RDX: variants seen among roughly 807,000 people sequenced by gnomAD.
RDX encodes the protein deafness, autosomal recessive 24.
RDX carries 32 observed loss-of-function variants against 83.7 expected under a neutral mutation model. That is an observed-to-expected ratio of 0.38 (90% CI 0.29 to 0.51). RDX has a LOEUF of 0.51. Ranked by LOEUF, RDX falls within the 20% of genes least tolerant of loss-of-function variation. The probability of loss-of-function intolerance (pLI) is 0.87; values close to 1 mark genes in which losing one functional copy is unlikely to be tolerated. For missense variants in RDX, 600 were observed against 689.9 expected, an observed-to-expected ratio of 0.87 and a Z score of 1.46; for synonymous variants, 229 against 222.7, an observed-to-expected ratio of 1.03 and a Z score of -0.25.
At chr11:110,189,064 C>T (rs59516654) in intron 15 of RDX, among the ~76,000 whole-genome samples, 8,840 of 151,756 alleles carry the variant, frequency 0.058, 863 homozygotes, top group African/African-American at 0.2. Flanking sequence ...ACAAATTCGA[C>T]TTTAAAAAAA....
chr11:110,208,977 T>C (rs897634730), intron 14 of RDX, among the ~76,000 whole-genome samples: 7 of 152,100 alleles, frequency 4.6e-5, no homozygotes, highest in Non-Finnish European at 1.0e-4. Flanking sequence ...TTTTAAAAAA[T>C]ATAATGCGGA....
intron 14 of RDX, among the ~76,000 whole-genome samples, chr11:110,219,933 T>C (rs1488044871): frequency 6.6e-6 from 1 of 152,190 alleles, no homozygotes; most frequent in African/African-American, 2.4e-5. Context: ...GATCCAAATG[T>C]AGACAGAAGG....
chr11:110,291,810 A>G (rs1167917331), intron 1 of RDX, among the ~76,000 whole-genome samples: 1 of 152,130 alleles, frequency 6.6e-6, no homozygotes, highest in Non-Finnish European at 1.5e-5. Context: ...ACCATTCTTG[A>G]GCCTCTGGAC....
intron 1 of RDX, among the ~76,000 whole-genome samples, chr11:110,280,343 A>C (rs2134424240): frequency 6.6e-6 from 1 of 152,318 alleles, no homozygotes; most frequent in East Asian, 1.9e-4. Context: ...TCCCAGGTTC[A>C]AGTGATCCTC....
intron 14 of RDX, among the ~76,000 whole-genome samples, chr11:110,204,101 G>A (rs1863514370): frequency 6.6e-6 from 1 of 152,120 alleles, no homozygotes; most frequent in South Asian, 2.1e-4. Context: ...ATTGCAGCCA[G>A]TCAACTCAGT....
At chr11:110,260,335 CT>C (rs1859751147) in intron 5 of RDX, among the ~76,000 whole-genome samples, 1 of 152,180 alleles carries the variant, frequency 6.6e-6, no homozygotes. Flanking sequence ...CCAACAGATA[CT>C]TTAGTTCTCC....
Position 110,266,338 on chromosome 11 carries a change from A to C in RDX, c.97-1464T>G, listed in dbSNP as rs534328887. Among the ~76,000 whole-genome samples, 28 of 152,282 alleles carry C rather than the reference A, an allele frequency of 1.8e-4. No homozygotes were observed. In the East Asian group the frequency reaches 5.4e-3, roughly 29 times the overall value. ...ACAGAGCAAGACTCCGTCTCAAAAA[A>C]AAAAAGAAAATAAAGTAAGAGTAAA... On this transcript the variant is annotated intron_variant, in intron 3 of 13. Coordinates refer to ENST00000645495, the MANE Select transcript of RDX (RefSeq NM_002906.4).
downstream of RDX, among the ~76,000 whole-genome samples, chr11:110,226,776 A>C (rs925642602): frequency 6.6e-6 from 1 of 152,094 alleles, no homozygotes; most frequent in Non-Finnish European, 1.5e-5. Flanking sequence ...GGTTAGAAAA[A>C]CTTTTCAAAT....
At chr11:110,182,465 G>A (rs1220565031) in intron 15 of RDX, among the ~76,000 whole-genome samples, 1 of 152,182 alleles carries the variant, frequency 6.6e-6, no homozygotes, top group Admixed American at 6.5e-5. Context: ...GCCGGGTGTG[G>A]TGGCACACAC....
At chr11:110,188,117 A>T (rs1020896363) in intron 15 of RDX, among the ~76,000 whole-genome samples, 2 of 152,106 alleles carry the variant, frequency 1.3e-5, no homozygotes, top group African/African-American at 2.4e-5. Context: ...AAGATGGCGA[A>T]ACCCCATCTC....
downstream of RDX, among the ~76,000 whole-genome samples, chr11:110,226,375 G>A (rs777603775): frequency 6.6e-6 from 1 of 152,122 alleles, no homozygotes. Context: ...AACCAGACAC[G>A]AAAGGACAAA....
At chr11:110,290,607 C>T (rs1053479946) in intron 1 of RDX, among the ~76,000 whole-genome samples, 3 of 152,070 alleles carry the variant, frequency 2.0e-5, no homozygotes, top group Non-Finnish European at 4.4e-5. Context: ...ACTCATCTTT[C>T]CATTCTCAAA....
chr11:110,209,511 T>A (rs1442852013), intron 14 of RDX, among the ~76,000 whole-genome samples: 1 of 152,218 alleles, frequency 6.6e-6, no homozygotes, highest in Non-Finnish European at 1.5e-5. Context: ...ACTGCCTGCC[T>A]CTGTAGGCAG....
At chr11:110,281,965 A>G (rs1860783553) in intron 1 of RDX, among the ~76,000 whole-genome samples, 1 of 150,356 alleles carries the variant, frequency 6.7e-6, no homozygotes, top group African/African-American at 2.4e-5. Context: ...AAAACCAAAC[A>G]AACAAAAAAA....
At chr11:110,290,698 A>C (rs2134452295) in intron 1 of RDX, among the ~76,000 whole-genome samples, 1 of 152,330 alleles carries the variant, frequency 6.6e-6, no homozygotes, top group African/African-American at 2.4e-5. Flanking sequence ...CTTTTTCCGT[A>C]AAGGGCCAGG....
At chr11:110,226,175 C>T (rs1864429578), downstream of RDX, among the ~76,000 whole-genome samples, 1 of 151,720 alleles carries the variant, frequency 6.6e-6, no homozygotes, top group Admixed American at 6.6e-5. Context: ...GATATTTGTA[C>T]ACCAATGTTC....
intron 14 of RDX, among the ~76,000 whole-genome samples, chr11:110,203,138 G>A: frequency 6.6e-6 from 1 of 152,220 alleles, no homozygotes; most frequent in Non-Finnish European, 1.5e-5. Flanking sequence ...AATGGATAAA[G>A]AAAATGTGGT....
At chr11:110,220,358 A>G (rs773409147) in intron 14 of RDX, among the ~76,000 whole-genome samples, 1 of 152,220 alleles carries the variant, frequency 6.6e-6, no homozygotes, top group Admixed American at 6.5e-5. Flanking sequence ...CAAGATTAAT[A>G]GTGTTACTTC....
chr11:110,190,187 A>C (rs59469330), intron 15 of RDX, among the ~76,000 whole-genome samples: 9,772 of 152,180 alleles, frequency 0.064, 1,050 homozygotes, highest in African/African-American at 0.22. Flanking sequence ...GCACTAAATG[A>C]CTACTTCTTT....
Sources: allele counts gnomAD v4.1 joint callset (sites outside exome capture counted in the v4.1 genomes callset), GRCh38; gene constraint gnomAD v4.1.1; transcripts MANE v1.5; gene names NCBI Gene and HGNC (gene_info 2026-07-23, HGNC 2026-07-21).